MOK: variants seen among roughly 807,000 people sequenced by gnomAD.
The protein encoded by MOK is MAPK/MAK/MRK overlapping kinase.
MOK carries 59 observed loss-of-function variants against 54.2 expected under a neutral mutation model. The ratio of observed to expected loss-of-function variants is 1.09; its 90% CI spans 0.88 to 1.35. MOK has a LOEUF of 1.35. MOK is among the 40% of genes most tolerant of loss of function. The pLI is 0.00. For synonymous variants in MOK, 210 were observed against 202.7 expected, an observed-to-expected ratio of 1.04 and a Z score of -0.31; for missense variants, 517 against 526.2, an observed-to-expected ratio of 0.98 and a Z score of 0.17.
At chr14:102,260,336 C>G (rs527627573) in intron 4 of MOK, among the ~76,000 whole-genome samples, 15 of 152,128 alleles carry the variant, frequency 9.9e-5, no homozygotes, top group African/African-American at 1.4e-4. Context: ...CAGAGTGAGA[C>G]TCCATCTTAA....
rs1412171348 is a variant in MOK, at chr14:102,251,998, G to A, written c.284-3C>T. On this transcript the variant is annotated splice_region_variant and splice_polypyrimidine_tract_variant and intron_variant, in intron 4 of 11. Transcript: ENST00000361847. ...TTCTGATAATGGGTATCTTCTCCCTGTACAATCAAGGAAATAGGCAAATAC... is the reference window on the plus strand; with the variant it reads ...TTCTGATAATGGGTATCTTCTCCCTATACAATCAAGGAAATAGGCAAATAC... 10 of 1,544,706 alleles carry A rather than the reference G, an allele frequency of 6.5e-6. No homozygotes were observed. The highest frequency in any genetic ancestry group is 5.7e-5 in the South Asian group (5 of 87,722).
chr14:102,286,235 C>T (rs1382158908), intron 1 of MOK, among the ~76,000 whole-genome samples: 12 of 145,084 alleles, frequency 8.3e-5, no homozygotes, highest in Non-Finnish European at 1.8e-4. Flanking sequence ...GGAGGCGGAG[C>T]CTGCAGTGAG....
At chr14:102,290,142 A>G (rs1382459431) in intron 1 of MOK, among the ~76,000 whole-genome samples, 1 of 35,030 alleles carries the variant, frequency 2.9e-5, no homozygotes, top group Non-Finnish European at 7.7e-5. Flanking sequence ...TTACACTTAG[A>G]GAAAAAAAAA....
chr14:102,254,523 G>A (rs2066775175), intron 4 of MOK, among the ~76,000 whole-genome samples: 1 of 152,126 alleles, frequency 6.6e-6, no homozygotes, highest in Admixed American at 6.6e-5. Flanking sequence ...CTCATCAGGT[G>A]CTCCTGGGTC....
chr14:102,222,822 G>A (rs764665709), downstream of MOK: 1 of 1,614,198 alleles, frequency 6.2e-7, no homozygotes, highest in Admixed American at 1.7e-5. The surrounding 1 kb of genome is among the most constrained non-coding windows in gnomAD (Gnocchi z 4.4). Flanking sequence ...AGACTGCTTT[G>A]TTTGCAGGGC....
At chr14:102,282,538 C>T (rs2069555053) in intron 2 of MOK, among the ~76,000 whole-genome samples, 1 of 151,826 alleles carries the variant, frequency 6.6e-6, no homozygotes, top group Non-Finnish European at 1.5e-5. Flanking sequence ...AGTTCAAGAC[C>T]AGCACGGGCA....
intron 7 of MOK, chr14:102,246,347 G>A (rs1357511381): frequency 6.6e-6 from 1 of 151,992 alleles, no homozygotes; most frequent in Admixed American, 6.6e-5. Context: ...CTCTCTCTGT[G>A]GCTTTACTCT....
intron 4 of MOK, among the ~76,000 whole-genome samples, chr14:102,258,385 C>T (rs1391767077): frequency 1.3e-5 from 2 of 152,218 alleles, no homozygotes; most frequent in Non-Finnish European, 2.9e-5. Context: ...GTACTCTATC[C>T]TCATCACTCT....
downstream of MOK, among the ~76,000 whole-genome samples, chr14:102,227,335 C>G (rs891774921): frequency 1.3e-5 from 2 of 151,734 alleles, no homozygotes; most frequent in Admixed American, 6.6e-5. Context: ...CGCCGCCCCC[C>G]CTACAGCCAT....
chr14:102,236,954 A>G lies in MOK; in HGVS notation c.591-3165T>C, dbSNP rs2065273773. ...TCAGGCTGTCTTTCCTATTCATCCC[A>G]TAGTCCCTAACCCCTCTACACTTCT... is the stretch of plus-strand genomic sequence containing the variant. On this transcript the variant is annotated intron_variant, in intron 7 of 11. Transcript: ENST00000361847. The surrounding 1 kb of genome is among the most constrained non-coding windows in gnomAD (Gnocchi z 4.5). Among the ~76,000 whole-genome samples the G allele has an allele frequency of 1.3e-5, 2 of 151,988 alleles. No individual in the cohort carries two copies. Among genetic ancestry groups the G allele is most frequent in the Admixed American group, 1.3e-4 (2 of 15,258 alleles).
chr14:102,224,800 A>G, downstream of MOK: 2 of 456,080 alleles, frequency 4.4e-6, no homozygotes, highest in Non-Finnish European at 8.8e-6. Flanking sequence ...GTCTTCTAGA[A>G]AGAGAAATAA....
At chr14:102,222,995 C>A, downstream of MOK, 1 of 1,318,278 alleles carries the variant, frequency 7.6e-7, no homozygotes, top group Non-Finnish European at 1.1e-6. The surrounding 1 kb of genome is among the most constrained non-coding windows in gnomAD (Gnocchi z 4.4). Flanking sequence ...AGGCGGTGGA[C>A]GTCGGCGATA....
In MOK at chr14:102,238,365, C is replaced by G. The variant is rs953852318; in HGVS notation, c.591-4576G>C. The G allele has an allele frequency of 2.0e-5, 3 of 152,290 alleles. No homozygotes were observed. Among genetic ancestry groups the G allele is most frequent in the Non-Finnish European group, 4.4e-5 (3 of 68,082 alleles). 9.4% of individuals were successfully genotyped at this position (152,290 alleles called of 1,614,324 possible). A position where few individuals can be genotyped will look rare whatever the true frequency, so the allele number is the denominator to read the frequency against. On this transcript the variant is annotated intron_variant, in intron 7 of 11. Coordinates refer to ENST00000361847, the MANE Select transcript of MOK (RefSeq NM_014226.3). This position sits in a 1 kb window ranked among gnomAD's most constrained non-coding sequence, Gnocchi z 4.8. Reference sequence around the variant, plus strand: ...ACATTCTTCATTCCCACGCCACCATCTGGCAAGAGAGGAGATTCCTTACTG... The same window carrying G: ...ACATTCTTCATTCCCACGCCACCATGTGGCAAGAGAGGAGATTCCTTACTG...
At chr14:102,264,566 T>C (rs2067744167) in intron 3 of MOK, 1 of 152,244 alleles carries the variant, frequency 6.6e-6, no homozygotes, top group East Asian at 1.9e-4. Flanking sequence ...CCGAGGTCCA[T>C]GTGAGATTCT....
intron 2 of MOK, among the ~76,000 whole-genome samples, chr14:102,266,545 C>A (rs534347493): frequency 6.6e-6 from 1 of 151,806 alleles, no homozygotes; most frequent in African/African-American, 2.4e-5. Context: ...CCACTGTGCC[C>A]GGCCTCTTTC....
At chr14:102,237,207 C>T (rs2065299132) in intron 7 of MOK, among the ~76,000 whole-genome samples, 1 of 152,300 alleles carries the variant, frequency 6.6e-6, no homozygotes, top group Non-Finnish European at 1.5e-5. Flanking sequence ...TTCCTTAAAC[C>T]TTTTCCCTAG....
At chr14:102,275,519 G>A (rs985251879) in intron 2 of MOK, among the ~76,000 whole-genome samples, 1 of 147,668 alleles carries the variant, frequency 6.8e-6, no homozygotes, top group East Asian at 2.0e-4. Context: ...AGCAGAGATA[G>A]CGCCACTGCA....
In MOK at chr14:102,249,210, G is replaced by C. The variant is rs989187373; in HGVS notation, c.590+1602C>G. Among the ~76,000 whole-genome samples, 1 of 152,124 alleles carries C rather than the reference G, an allele frequency of 6.6e-6. No individual in the cohort carries two copies. The highest frequency in any genetic ancestry group is 2.4e-5 in the African/African-American group (1 of 41,414). ...GAGGCAAAAGACAGATCCACATTCC[G>C]TCATCTGTTCAGCATGATGTCTGTG... On this transcript the variant is annotated intron_variant, in intron 7 of 11. Coordinates refer to ENST00000361847, the MANE Select transcript of MOK (RefSeq NM_014226.3). This position sits in a 1 kb window ranked among gnomAD's most constrained non-coding sequence, Gnocchi z 5.3.
intron 4 of MOK, among the ~76,000 whole-genome samples, chr14:102,253,842 A>C (rs983494327): frequency 1.3e-5 from 2 of 152,210 alleles, no homozygotes. Context: ...TCCTCCCTCC[A>C]TGAGCACATA....
Sources: allele counts gnomAD v4.1 joint callset (sites outside exome capture counted in the v4.1 genomes callset), GRCh38; gene constraint gnomAD v4.1.1; non-coding constraint Gnocchi (gnomAD v3.1); transcripts MANE v1.5; gene names NCBI Gene and HGNC (gene_info 2026-07-23, HGNC 2026-07-21).